The following LRRC9 variants were observed in gnomAD, a reference collection of about 807,000 sequenced individuals.
LRRC9 encodes leucine rich repeat containing 9, also known as leucine-rich repeat-containing protein 9.
A neutral mutation model predicts 63.2 loss-of-function variants in LRRC9; 122 were observed. The observed-to-expected ratio is 1.93, with a 90% CI of 1.67 to 2.24. The LOEUF is 2.24. LRRC9 is among the 30% of genes most tolerant of loss of function. The pLI is 0.00. For synonymous variants in LRRC9, 366 were observed against 213.1 expected (o/e 1.72, Z -6.25); for missense variants, 1,071 against 627.7 (o/e 1.71, Z -7.55).
chr14:60,033,868 T>A (rs1406225897), intron 29 of LRRC9, among the ~76,000 whole-genome samples: 1 of 152,070 alleles, frequency 6.6e-6, no homozygotes, highest in Admixed American at 6.6e-5. Context: ...TCTCTAGAAC[T>A]CTGGGCTTAA....
chr14:59,999,311 T>C, intron 19 of LRRC9, 85 bp downstream of exon 19: 1 of 583,146 alleles, frequency 1.7e-6, no homozygotes, highest in Non-Finnish European at 3.0e-6. Context: ...CATTAAGATT[T>C]TATAGTCCCT....
chr14:59,920,984 A>G (rs1888723453), intron 1 of LRRC9, among the ~76,000 whole-genome samples: 1 of 152,248 alleles, frequency 6.6e-6, no homozygotes, highest in Admixed American at 6.5e-5. Context: ...TTACAGTGTG[A>G]CAAGTGCTAT....
chr14:59,946,591 G>A (rs1310376429), intron 8 of LRRC9, among the ~76,000 whole-genome samples: 1 of 143,956 alleles, frequency 6.9e-6, no homozygotes, highest in African/African-American at 2.6e-5. Context: ...GTGCCATGCT[G>A]GTGCGCTGCA....
chr14:60,027,092 A>T lies in LRRC9; in HGVS notation c.3704-792A>T, dbSNP rs1277647310. On this transcript the variant is annotated intron_variant, in intron 27 of 31. Transcript: ENST00000445360. The surrounding 1 kb of genome is among the most constrained non-coding windows in gnomAD (Gnocchi z 4.0). ...TGAAATGTAGTATGGCATACTAGAA[A>T]GATAATTGAGCTTAAAATGTAAAAG... is the stretch of plus-strand genomic sequence containing the variant. Among the ~76,000 whole-genome samples the T allele has an allele frequency of 6.6e-6, 1 of 152,076 alleles. No individual in the cohort carries two copies. Among genetic ancestry groups the T allele is most frequent in the Non-Finnish European group, 1.5e-5 (1 of 67,972 alleles).
chr14:60,003,764 C>G lies in LRRC9; in HGVS notation c.2808C>G (p.Leu936=), dbSNP rs1341741396. 1.5e-6 allele frequency: 1 copy of G among 654,302 alleles called. No homozygotes were observed. The highest frequency in any genetic ancestry group is 1.8e-5 in the African/African-American group (1 of 54,406). 40.5% of individuals were successfully genotyped at this position (654,302 alleles called of 1,614,324 possible). The change falls in exon 21 of 32, where the codon CTC becomes CTG. Residue 936 remains leucine (L), a synonymous_variant. Coordinates refer to ENST00000445360, the Ensembl canonical transcript of LRRC9. The surrounding 1 kb of genome is among the most constrained non-coding windows in gnomAD (Gnocchi z 4.2). ...AATCCTGTATTAACTTGGAAGAGCT[C>G]ACATTAGATGGAAACTGCATCTCAA... is the stretch of plus-strand genomic sequence containing the variant.
intron 5 of LRRC9, 24 bp from the exon 6 acceptor site, chr14:59,931,945 A>G (rs957302506): frequency 7.2e-6 from 5 of 696,356 alleles, no homozygotes; most frequent in African/African-American, 7.0e-5. Context: ...AAATAATTGA[A>G]TTCTTTTCGT....
chr14:59,922,219 A>G lies in LRRC9; in HGVS notation c.-34+2336A>G, dbSNP rs1004188509. Reference sequence around the variant, plus strand: ...AGAAAACGTGAAGAAGAGAGTCGTCAGCATTGTCAAATGCCATGTCAAGGT... The same window carrying G: ...AGAAAACGTGAAGAAGAGAGTCGTCGGCATTGTCAAATGCCATGTCAAGGT... On this transcript the variant is annotated intron_variant, in intron 1 of 31. Coordinates refer to ENST00000445360, the Ensembl canonical transcript of LRRC9. The surrounding 1 kb of genome is among the most constrained non-coding windows in gnomAD (Gnocchi z 5.3). Among the ~76,000 whole-genome samples, 1 of 152,214 alleles carries G rather than the reference A, an allele frequency of 6.6e-6. No homozygotes were observed. The highest frequency in any genetic ancestry group is 2.4e-5 in the African/African-American group (1 of 41,460).
rs375790905 is a variant in LRRC9, at chr14:59,967,360, A to C, written c.1506+147A>C. 3.0e-4 allele frequency: 133 copies of C among 450,754 alleles called. 1 individual carries two copies. The highest frequency in any genetic ancestry group is 2.2e-3 in the East Asian group (71 of 32,514). The allele number at this position is 450,754 out of a possible 1,614,324, so 27.9% of individuals were successfully genotyped here. A position where few individuals can be genotyped will look rare whatever the true frequency, so the allele number is the denominator to read the frequency against. ...CAAAAAGCTTAGTGTTATCATGGAA[A>C]GTATAGCATCTTTCCTCTTTGGATT... On this transcript the variant is annotated intron_variant, in intron 12 of 31. Transcript: ENST00000445360.
rs940924597 is a variant in LRRC9, at chr14:59,964,868, C to G, written c.1212-1721C>G. ...TGGGATTAGTTTGGTTTAGGCAGCTCTCCTTTCAACTCTAAGGGAGAAGTA... is the reference window on the plus strand; with the variant it reads ...TGGGATTAGTTTGGTTTAGGCAGCTGTCCTTTCAACTCTAAGGGAGAAGTA... On this transcript the variant is annotated intron_variant, in intron 10 of 31. Coordinates refer to ENST00000445360, the Ensembl canonical transcript of LRRC9. This position sits in a 1 kb window ranked among gnomAD's most constrained non-coding sequence, Gnocchi z 4.4. Among the ~76,000 whole-genome samples the G allele has an allele frequency of 1.3e-5, 2 of 152,170 alleles. No individual in the cohort carries two copies. Among genetic ancestry groups the G allele is most frequent in the African/African-American group, 4.8e-5 (2 of 41,438 alleles).
intron 6 of LRRC9, among the ~76,000 whole-genome samples, chr14:59,933,892 G>A (rs889402664): frequency 6.6e-6 from 1 of 152,106 alleles, no homozygotes. Context: ...AGTATATATA[G>A]CAATATTGGA....
rs2140294315 is a variant in LRRC9 at position 60,022,822 on chromosome 14, C to T, written c.3655C>T (p.Gln1219Ter). 1 of 684,298 alleles carries T rather than the reference C, an allele frequency of 1.5e-6. No homozygotes were observed. Among genetic ancestry groups the T allele is most frequent in the Non-Finnish European group, 2.7e-6 (1 of 375,240 alleles). The allele number at this position is 684,298 out of a possible 1,614,324, so 42.4% of individuals were successfully genotyped here. Residue 1219 changes from glutamine (Q) to a stop codon, truncating the protein, a stop_gained, in exon 27 of 32, where the codon CAG (glutamine) becomes TAG (stop). Coordinates refer to ENST00000445360, the Ensembl canonical transcript of LRRC9. LOFTEE classifies it high-confidence loss of function. ...CTACAATGGAATTTGTAATTTGATC[C>T]AGCTACAACTTAACAGACTAAGAAA... is the stretch of plus-strand genomic sequence containing the variant.
At chr14:60,014,903 T>G (rs1197293670) in intron 23 of LRRC9, among the ~76,000 whole-genome samples, 1 of 151,980 alleles carries the variant, frequency 6.6e-6, no homozygotes, top group Non-Finnish European at 1.5e-5. Context: ...ATACTAATAT[T>G]AAATCTTTTT....
At chr14:59,955,202 A>T (rs1412202726) in intron 8 of LRRC9, among the ~76,000 whole-genome samples, 2 of 152,190 alleles carry the variant, frequency 1.3e-5, no homozygotes, top group Non-Finnish European at 2.9e-5. Flanking sequence ...TGTTTGGAAT[A>T]GTTTCAGAAG....
chr14:59,997,521 C>A (rs1888923118), intron 17 of LRRC9, 135 bp from the exon 18 acceptor site: 1 of 500,246 alleles, frequency 2.0e-6, no homozygotes, highest in Non-Finnish European at 3.5e-6. Flanking sequence ...ACCATCATTG[C>A]AACATAACTA....
rs1884289878 is a variant in LRRC9 at position 59,960,945 on chromosome 14, CA to C, written c.1115del (p.Lys372ArgfsTer8). On this transcript the variant is annotated frameshift_variant, in exon 10 of 32. Coordinates refer to ENST00000445360, the Ensembl canonical transcript of LRRC9. LOFTEE classifies it high-confidence loss of function. ...AGCAATTTATCATATTGAAGTAAAA[CA>C]AAAGAAGAAAAGTCATGGCTTATTG... The C allele has an allele frequency of 5.8e-6, 4 of 685,598 alleles. No homozygotes were observed. The highest frequency in any genetic ancestry group is 1.1e-5 in the Non-Finnish European group (4 of 377,732). 42.5% of individuals were successfully genotyped at this position (685,598 alleles called of 1,614,324 possible).
intron 16 of LRRC9, 25 bp from the exon 17 acceptor site, chr14:59,985,080 T>C: frequency 1.6e-6 from 1 of 627,276 alleles, no homozygotes; most frequent in Non-Finnish European, 2.9e-6. Flanking sequence ...TATTATTTTT[T>C]AATGTATATT....
rs754248084 is a variant in LRRC9 at position 60,004,510 on chromosome 14, T to C, written c.2842+712T>C. 4.5e-4 allele frequency among the ~76,000 whole-genome samples: 68 copies of C among 152,104 alleles called. 1 individual carries two copies. The Middle Eastern group carries it at 0.01, about 23-fold the overall frequency. ...ATATATTTTATTTGACTGTTTAAAG[T>C]TCAGTATTAAAACATATTTTTCTGA... On this transcript the variant is annotated intron_variant, in intron 21 of 31. Transcript: ENST00000445360. This position sits in a 1 kb window ranked among gnomAD's most constrained non-coding sequence, Gnocchi z 4.8.
At position 60,013,215 on chromosome 14, in the gene LRRC9, T is replaced by A. The variant is rs1205192966; in HGVS notation, c.3187-3445T>A. The stretch of plus-strand genomic sequence containing the variant: ...AGATAGATATACATATAGAGATATC[T>A]ATGTCTATATATAGAAATATAGATA... On this transcript the variant is annotated intron_variant, in intron 23 of 31. Coordinates refer to ENST00000445360, the Ensembl canonical transcript of LRRC9. Among the ~76,000 whole-genome samples the A allele has an allele frequency of 2.6e-5, 4 of 151,328 alleles. No individual in the cohort carries two copies. The Admixed American group carries it at 2.7e-4, about 10-fold the overall frequency.
intron 8 of LRRC9, among the ~76,000 whole-genome samples, chr14:59,953,194 A>T (rs1272679623): frequency 6.6e-6 from 1 of 152,230 alleles, no homozygotes; most frequent in Non-Finnish European, 1.5e-5. Flanking sequence ...TTGCTGGGTC[A>T]AATGTTATTT....
Sources: allele counts gnomAD v4.1 joint callset (sites outside exome capture counted in the v4.1 genomes callset), GRCh38; gene constraint gnomAD v4.1.1; non-coding constraint Gnocchi (gnomAD v3.1); transcripts MANE v1.5; gene names NCBI Gene and HGNC (gene_info 2026-07-23, HGNC 2026-07-21).